FAM107B: variants seen among roughly 807,000 people sequenced by gnomAD.
FAM107B encodes the protein family with sequence similarity 107 member B, also known as protein FAM107B.
FAM107B carries 21 observed loss-of-function variants against 31.5 expected under a neutral mutation model. The ratio of observed to expected loss-of-function variants is 0.67; its 90% CI spans 0.47 to 0.96. FAM107B has a LOEUF of 0.96. Among genes scored for constraint, FAM107B ranks in the 40% least tolerant of loss-of-function variants. FAM107B has a pLI of 0.00. For missense variants in FAM107B, 452 were observed against 377.1 expected (o/e 1.20, Z -1.64); for synonymous variants, 157 against 141.5 (o/e 1.11, Z -0.78).
chr10:14,560,594 G>T (rs1361284837), intron 2 of FAM107B, among the ~76,000 whole-genome samples: 1 of 152,194 alleles, frequency 6.6e-6, no homozygotes, highest in Admixed American at 6.5e-5. Context: ...TCGATGGAAG[G>T]CTCGGAAGTC....
At chr10:14,706,433 G>C (rs1447212869) in intron 1 of FAM107B, among the ~76,000 whole-genome samples, 5 of 151,972 alleles carry the variant, frequency 3.3e-5, no homozygotes, top group African/African-American at 1.2e-4. Context: ...CCACTATGTT[G>C]CCCAGGCTGG....
intron 1 of FAM107B, among the ~76,000 whole-genome samples, chr10:14,769,527 G>A (rs538255447): frequency 6.6e-6 from 1 of 152,226 alleles, no homozygotes; most frequent in East Asian, 1.9e-4. Context: ...TGGGATTACG[G>A]GCGCCCGCCA....
At position 14,654,497 on chromosome 10, in the gene FAM107B, A is replaced by ATC. The variant is rs1239728802; in HGVS notation, c.469+13135_469+13136dup. On this transcript the variant is annotated intron_variant, in intron 2 of 4. Coordinates refer to ENST00000181796, the MANE Select transcript of FAM107B (RefSeq NM_031453.4). Reference sequence around the variant, plus strand: ...CGTTTTATTATCTCTTGCTCTCATCATCTCTCTGTGGTGAAGGATAAGAAA... The same window carrying ATC: ...CGTTTTATTATCTCTTGCTCTCATCATCTCTCTCTGTGGTGAAGGATAAGAAA... 2.1e-4 allele frequency among the ~76,000 whole-genome samples: 32 copies of ATC among 152,170 alleles called. 1 individual carries two copies. The highest frequency in any genetic ancestry group is 3.4e-3 in the Middle Eastern group (1 of 294).
intron 3 of FAM107B, among the ~76,000 whole-genome samples, chr10:14,522,776 CT>C (rs1253627413): frequency 6.6e-6 from 1 of 152,156 alleles, no homozygotes. Flanking sequence ...TAAAATGGCC[CT>C]GGAAACCTTC....
intron 1 of FAM107B, among the ~76,000 whole-genome samples, chr10:14,683,855 C>CTACA (rs1261333209): frequency 6.6e-6 from 1 of 152,182 alleles, no homozygotes; most frequent in African/African-American, 2.4e-5. Flanking sequence ...CTCCCAGAGG[C>CTACA]TACACATGCA....
At chr10:14,603,173 TTTAAACCGGAAACCAGCAGCGCTAAGAAA>T (rs1382123791) in intron 2 of FAM107B, among the ~76,000 whole-genome samples, 1 of 152,188 alleles carries the variant, frequency 6.6e-6, no homozygotes, top group East Asian at 1.9e-4. Flanking sequence ...CATGAAAAGT[TTTAAACCGGAAACCAGCAGCGCTAAGAAA>T]TCTTCTCTGG....
chr10:14,686,227 A>G (rs1854983444), intron 1 of FAM107B, among the ~76,000 whole-genome samples: 1 of 152,116 alleles, frequency 6.6e-6, no homozygotes, highest in Non-Finnish European at 1.5e-5. Flanking sequence ...CGTCTCTACT[A>G]CAAATACAAA....
chr10:14,752,639 T>C (rs1297667748), intron 1 of FAM107B, among the ~76,000 whole-genome samples: 2 of 152,140 alleles, frequency 1.3e-5, no homozygotes, highest in Non-Finnish European at 2.9e-5. Context: ...TGCATCAGAC[T>C]CATAAAAGCT....
chr10:14,760,537 A>G (rs1475070485), intron 1 of FAM107B, among the ~76,000 whole-genome samples: 2 of 149,728 alleles, frequency 1.3e-5, no homozygotes, highest in Non-Finnish European at 2.9e-5. Context: ...GCATATAAAT[A>G]GCACTGGTCA....
intron 2 of FAM107B, among the ~76,000 whole-genome samples, chr10:14,603,334 T>C (rs1304684469): frequency 6.6e-6 from 1 of 152,072 alleles, no homozygotes; most frequent in Non-Finnish European, 1.5e-5. Context: ...AAATCGCAAG[T>C]TTAAGAATGT....
chr10:14,597,397 A>C (rs1378463324), intron 2 of FAM107B, among the ~76,000 whole-genome samples: 1 of 152,238 alleles, frequency 6.6e-6, no homozygotes, highest in East Asian at 1.9e-4. Flanking sequence ...TAATAATGGC[A>C]CAGAAAAGCT....
At chr10:14,766,324 G>A (rs1434573505) in intron 1 of FAM107B, among the ~76,000 whole-genome samples, 1 of 152,180 alleles carries the variant, frequency 6.6e-6, no homozygotes, top group Non-Finnish European at 1.5e-5. Context: ...GAGAGCAAAG[G>A]AAAAGTTATT....
At chr10:14,766,635 G>C (rs537184172) in intron 1 of FAM107B, among the ~76,000 whole-genome samples, 72 of 152,160 alleles carry the variant, frequency 4.7e-4, no homozygotes, top group African/African-American at 1.7e-3. Flanking sequence ...GATATTGTAA[G>C]AGGACTAGCA....
At chr10:14,725,918 C>A (rs1350664304) in intron 1 of FAM107B, among the ~76,000 whole-genome samples, 1 of 151,384 alleles carries the variant, frequency 6.6e-6, no homozygotes, top group Non-Finnish European at 1.5e-5. Flanking sequence ...CTTCACCTCC[C>A]AGGTTCAAGC....
At chr10:14,770,822 C>T (rs1203661466) in intron 1 of FAM107B, among the ~76,000 whole-genome samples, 1 of 151,982 alleles carries the variant, frequency 6.6e-6, no homozygotes, top group African/African-American at 2.4e-5. Context: ...TTCATATTTG[C>T]TTAGTTTGTT....
chr10:14,710,834 T>C (rs1855629005), intron 1 of FAM107B, among the ~76,000 whole-genome samples: 1 of 152,192 alleles, frequency 6.6e-6, no homozygotes, highest in African/African-American at 2.4e-5. Context: ...AGTGTTGTTA[T>C]AAAACAGTAA....
At chr10:14,716,446 G>A (rs1855781414) in intron 1 of FAM107B, among the ~76,000 whole-genome samples, 1 of 152,238 alleles carries the variant, frequency 6.6e-6, no homozygotes, top group African/African-American at 2.4e-5. Flanking sequence ...TCATGACATG[G>A]CAGCTGGCTT....
chr10:14,639,850 C>T (rs572900439), intron 2 of FAM107B, among the ~76,000 whole-genome samples: 91 of 152,348 alleles, frequency 6.0e-4, no homozygotes, highest in African/African-American at 2.2e-3. Flanking sequence ...GCACCTTCCT[C>T]CTTCAGCTAA....
intron 2 of FAM107B, among the ~76,000 whole-genome samples, chr10:14,587,239 G>A (rs148451671): frequency 8.5e-5 from 13 of 152,124 alleles, no homozygotes; most frequent in African/African-American, 2.9e-4. Context: ...CGCCAGTGTC[G>A]GAACTAATAA....
Sources: allele counts gnomAD v4.1 joint callset (sites outside exome capture counted in the v4.1 genomes callset), GRCh38; gene constraint gnomAD v4.1.1; transcripts MANE v1.5; gene names NCBI Gene and HGNC (gene_info 2026-07-23, HGNC 2026-07-21).